NR4A1: variants seen among roughly 807,000 people sequenced by gnomAD.
The protein encoded by NR4A1 is nuclear receptor subfamily 4 group A member 1.
A neutral mutation model predicts 47.5 loss-of-function variants in NR4A1; 24 were observed. That is an observed-to-expected ratio of 0.50 (90% CI 0.37 to 0.71). NR4A1 has a LOEUF of 0.71. Ranked by LOEUF, NR4A1 falls within the 30% of genes least tolerant of loss-of-function variation. NR4A1 has a pLI of 0.00. For missense variants in NR4A1, 669 were observed against 788.6 expected, an observed-to-expected ratio of 0.85 and a Z score of 1.82; for synonymous variants, 353 against 345.7, an observed-to-expected ratio of 1.02 and a Z score of -0.24.
At chr12:52,024,694 GAAAGAAAGAAGAAGAAGA>G (rs1937968764) in intron 1 of NR4A1, among the ~76,000 whole-genome samples, 1 of 151,578 alleles carries the variant, frequency 6.6e-6, no homozygotes, top group African/African-American at 2.4e-5. Flanking sequence ...CCTGTCACAA[GAAAGAAAGAAGAAGAAGA>G]AAAGAAAGAA....
Position 52,051,462 on chromosome 12 carries a change from C to G in NR4A1, c.-109C>G. 2 of 985,576 alleles carry G rather than the reference C, an allele frequency of 2.0e-6. No homozygotes were observed. Among genetic ancestry groups the G allele is most frequent in the Non-Finnish European group, 2.4e-6 (2 of 830,020 alleles). The allele number at this position is 985,576 out of a possible 1,614,324, so 61.1% of individuals were successfully genotyped here. On this transcript the variant is annotated 5_prime_UTR_variant, in exon 1 of 7. Coordinates refer to ENST00000394825, the MANE Select transcript of NR4A1 (RefSeq NM_173157.3). ...CGGGGAGTCCCAGTGGCGGAGGCTA[C>G]GAAACTTGGGGGAGTGCACAGAAGA...
At chr12:52,030,081 C>G (rs1358649169) in intron 1 of NR4A1, among the ~76,000 whole-genome samples, 1 of 152,246 alleles carries the variant, frequency 6.6e-6, no homozygotes, top group Non-Finnish European at 1.5e-5. Flanking sequence ...CTCTTGCACA[C>G]AAAGGCACAA....
intron 2 of NR4A1, chr12:52,043,699 G>A: frequency 8.0e-7 from 1 of 1,251,464 alleles, no homozygotes; most frequent in East Asian, 5.6e-5. Context: ...AACAGAGGAG[G>A]ACACGCCGGC....
chr12:52,055,870 C>T (rs529471274), intron 2 of NR4A1, 160 bp from the exon 3 acceptor site: 5 of 469,124 alleles, frequency 1.1e-5, no homozygotes, highest in Admixed American at 7.7e-5. Flanking sequence ...CGCCCAACCC[C>T]GTCTCTCCCT....
intron 1 of NR4A1, chr12:52,038,812 GA>G: frequency 1.3e-6 from 1 of 749,656 alleles, no homozygotes; most frequent in Admixed American, 1.8e-5. Context: ...TTCCTGTGCT[GA>G]GGCCTCTGCT....
chr12:52,031,287 A>G (rs1161190773), intron 1 of NR4A1, among the ~76,000 whole-genome samples: 2 of 151,434 alleles, frequency 1.3e-5, no homozygotes, highest in Non-Finnish European at 2.9e-5. Flanking sequence ...CGGCCTCCCA[A>G]AGTGCTGAGA....
In NR4A1 at chr12:52,056,429, C is replaced by T. The variant is rs563983619; in HGVS notation, c.1007-65C>T. The T allele has an allele frequency of 6.4e-5, 102 of 1,581,622 alleles. 1 individual carries two copies. The Middle Eastern group carries it at 6.8e-4, about 11-fold the overall frequency. ...GGGCGCGTCTCAGCAGTGGTGTGCA[C>T]GGCTTGGGCTGAGAGGCCCTTCCTC... On this transcript the variant is annotated intron_variant, in intron 3 of 6. Coordinates refer to ENST00000394825, the MANE Select transcript of NR4A1 (RefSeq NM_173157.3).
chr12:52,032,863 G>A (rs1406059672), intron 1 of NR4A1, among the ~76,000 whole-genome samples: 1 of 152,134 alleles, frequency 6.6e-6, no homozygotes, highest in Non-Finnish European at 1.5e-5. Flanking sequence ...CCTCAGGACA[G>A]GCTGGAACAG....
At chr12:52,050,303 G>T (rs1477610788), upstream of NR4A1, among the ~76,000 whole-genome samples, 1 of 152,168 alleles carries the variant, frequency 6.6e-6, no homozygotes, top group Non-Finnish European at 1.5e-5. Flanking sequence ...GGTGCTGGAG[G>T]TAGGCTGGGA....
At chr12:52,057,798 A>G (rs2120537650) in intron 6 of NR4A1, among the ~76,000 whole-genome samples, 1 of 152,306 alleles carries the variant, frequency 6.6e-6, no homozygotes, top group South Asian at 2.1e-4. Context: ...GGCCTAGGGT[A>G]TTGGCTTGTT....
chr12:52,037,962 G>T (rs1938300646), intron 1 of NR4A1: 1 of 966,334 alleles, frequency 1.0e-6, no homozygotes, highest in African/African-American at 1.8e-5. Flanking sequence ...TGGGTGGGGT[G>T]GGGGCGGGGG....
At chr12:52,024,660 C>A (rs1464359663) in intron 1 of NR4A1, among the ~76,000 whole-genome samples, 3 of 151,978 alleles carry the variant, frequency 2.0e-5, no homozygotes, top group Non-Finnish European at 4.4e-5. Context: ...CCACTGCACT[C>A]CAGCCTGGGT....
upstream of NR4A1, among the ~76,000 whole-genome samples, chr12:52,047,436 C>T (rs2121020199): frequency 6.6e-6 from 1 of 152,368 alleles, no homozygotes; most frequent in South Asian, 2.1e-4. Context: ...GCTAGGTGCT[C>T]CACACGGGAA....
At chr12:52,038,962 A>G (rs1418524743) in intron 1 of NR4A1, among the ~76,000 whole-genome samples, 1 of 152,178 alleles carries the variant, frequency 6.6e-6, no homozygotes, top group African/African-American at 2.4e-5. Context: ...TCCATCCGCT[A>G]CACAGGTCCA....
At chr12:52,038,587 A>G in intron 1 of NR4A1, 1 of 647,646 alleles carries the variant, frequency 1.5e-6, no homozygotes, top group Non-Finnish European at 2.8e-6. Context: ...TTGGGGCCCT[A>G]GTGGTGGGGC....
At chr12:52,022,977 G>A (rs1007248309) in intron 1 of NR4A1, 6 of 152,310 alleles carry the variant, frequency 3.9e-5, no homozygotes, top group African/African-American at 1.4e-4. Context: ...GATGGGGGTG[G>A]GGCTCAACAC....
chr12:52,047,802 C>CA (rs1466064587), upstream of NR4A1, among the ~76,000 whole-genome samples: 1 of 152,240 alleles, frequency 6.6e-6, no homozygotes, highest in Non-Finnish European at 1.5e-5. Flanking sequence ...TTACAAATGC[C>CA]AAGTTGTGAG....
intron 1 of NR4A1, chr12:52,037,868 G>A: frequency 1.0e-6 from 1 of 985,396 alleles, no homozygotes; most frequent in Non-Finnish European, 1.2e-6. Flanking sequence ...AGGCGGAGCT[G>A]GGGATTAGGA....
chr12:52,035,805 T>C (rs1436506562), intron 1 of NR4A1, among the ~76,000 whole-genome samples: 1 of 151,592 alleles, frequency 6.6e-6, no homozygotes, highest in East Asian at 1.9e-4. Context: ...AAAGGATTTC[T>C]GGGGGTGGGC....
Sources: allele counts gnomAD v4.1 joint callset (sites outside exome capture counted in the v4.1 genomes callset), GRCh38; gene constraint gnomAD v4.1.1; transcripts MANE v1.5; gene names NCBI Gene and HGNC (gene_info 2026-07-23, HGNC 2026-07-21).